The following PTPRT variants were observed in gnomAD, a reference collection of about 807,000 sequenced individuals.
The protein encoded by PTPRT is receptor-type tyrosine-protein phosphatase T.
In PTPRT, 56 loss-of-function variants were observed where a neutral mutation model predicts 176.8. That is an observed-to-expected ratio of 0.32 (90% CI 0.26 to 0.40). PTPRT has a LOEUF of 0.40. Ranked by LOEUF, PTPRT falls within the 10% of genes least tolerant of loss-of-function variation. PTPRT has a pLI of 1.00. For synonymous variants in PTPRT, 783 were observed against 739.0 expected (o/e 1.06, Z -0.96); for missense variants, 1,540 against 1,908.2 (o/e 0.81, Z 3.60).
chr20:42,648,820 G>GTTTTTTTTTTTGTTTTGT (rs746084382), intron 7 of PTPRT, among the ~76,000 whole-genome samples: 1 of 111,832 alleles, frequency 8.9e-6, no homozygotes, highest in Non-Finnish European at 1.8e-5. Context: ...TGGTGTCGTT[G>GTTTTTTTTTTTGTTTTGT]TTTTTTTTTT....
chr20:43,050,256 G>A (rs575514893), intron 1 of PTPRT, among the ~76,000 whole-genome samples: 1 of 152,344 alleles, frequency 6.6e-6, no homozygotes, highest in Admixed American at 6.5e-5. Flanking sequence ...CTGGAAGGAG[G>A]GCTGTGGCAT....
intron 14 of PTPRT, among the ~76,000 whole-genome samples, chr20:42,238,274 C>A (rs954515397): frequency 6.6e-6 from 1 of 152,154 alleles, no homozygotes; most frequent in African/African-American, 2.4e-5. Context: ...AGTTAAGAAG[C>A]CACAGAAGAA....
At chr20:42,643,971 T>C (rs2074826180) in intron 7 of PTPRT, among the ~76,000 whole-genome samples, 1 of 152,090 alleles carries the variant, frequency 6.6e-6, no homozygotes, top group South Asian at 2.1e-4. Flanking sequence ...AAAGAAAGCC[T>C]TCTAGCAAAC....
chr20:43,074,168 T>A (rs756772174), intron 1 of PTPRT, among the ~76,000 whole-genome samples: 2 of 152,104 alleles, frequency 1.3e-5, no homozygotes, highest in African/African-American at 4.8e-5. Context: ...GGGGATGTAA[T>A]GAAAAAAGGT....
intron 27 of PTPRT, among the ~76,000 whole-genome samples, chr20:42,093,589 G>T (rs1312928148): frequency 6.6e-6 from 1 of 152,194 alleles, no homozygotes; most frequent in Non-Finnish European, 1.5e-5. Context: ...TTATTTTGCT[G>T]CAGCTTACAG....
intron 15 of PTPRT, among the ~76,000 whole-genome samples, chr20:42,234,615 C>T (rs1453838883): frequency 6.6e-6 from 1 of 152,232 alleles, no homozygotes; most frequent in Non-Finnish European, 1.5e-5. Context: ...AGGCATCTCT[C>T]AGCTAACGTT....
At chr20:42,904,157 A>G (rs1405127585) in intron 1 of PTPRT, among the ~76,000 whole-genome samples, 3 of 152,198 alleles carry the variant, frequency 2.0e-5, no homozygotes, top group Non-Finnish European at 4.4e-5. Flanking sequence ...CTTTGGAACA[A>G]GCACTCAGCA....
downstream of PTPRT, among the ~76,000 whole-genome samples, chr20:42,068,462 A>T (rs190843172): frequency 1.4e-3 from 212 of 152,300 alleles, no homozygotes; most frequent in African/African-American, 4.9e-3. Flanking sequence ...GAAAGCCAAA[A>T]TCCTCAGCAT....
intron 1 of PTPRT, among the ~76,000 whole-genome samples, chr20:42,964,251 T>C (rs1366482758): frequency 6.6e-6 from 1 of 152,176 alleles, no homozygotes; most frequent in African/African-American, 2.4e-5. Flanking sequence ...TCGAAATATT[T>C]TCCATAAGAT....
chr20:43,027,593 C>T (rs1198493004), intron 1 of PTPRT, among the ~76,000 whole-genome samples: 1 of 152,006 alleles, frequency 6.6e-6, no homozygotes, highest in African/African-American at 2.4e-5. Flanking sequence ...GAAGAAAGAC[C>T]ACGTGAGGAC....
chr20:43,072,369 T>C (rs1198522455), intron 1 of PTPRT, among the ~76,000 whole-genome samples: 1 of 152,232 alleles, frequency 6.6e-6, no homozygotes, highest in Non-Finnish European at 1.5e-5. Flanking sequence ...TCCCAGTCCA[T>C]GTAATTGCAA....
chr20:43,161,363 C>T (rs2014692123), intron 1 of PTPRT, among the ~76,000 whole-genome samples: 1 of 151,928 alleles, frequency 6.6e-6, no homozygotes, highest in African/African-American at 2.4e-5. Flanking sequence ...AGAAAGAGCT[C>T]TATGTTACCC....
At chr20:42,096,200 T>C (rs535664226) in intron 27 of PTPRT, among the ~76,000 whole-genome samples, 1 of 152,366 alleles carries the variant, frequency 6.6e-6, no homozygotes, top group East Asian at 1.9e-4. Context: ...CTCCCCGGTC[T>C]CCTGGTTTCC....
intron 7 of PTPRT, among the ~76,000 whole-genome samples, chr20:42,579,755 G>A (rs1384541198): frequency 2.0e-5 from 3 of 152,052 alleles, no homozygotes; most frequent in African/African-American, 7.2e-5. Flanking sequence ...TGATGGGGTT[G>A]TTTGTTTTTT....
intron 1 of PTPRT, among the ~76,000 whole-genome samples, chr20:43,014,613 G>A (rs1014902599): frequency 2.0e-5 from 3 of 152,118 alleles, no homozygotes; most frequent in African/African-American, 7.2e-5. Flanking sequence ...TATTTATTAT[G>A]TGATAATGGC....
At chr20:42,447,159 T>A (rs1029205334) in intron 9 of PTPRT, among the ~76,000 whole-genome samples, 16 of 152,088 alleles carry the variant, frequency 1.1e-4, no homozygotes, top group Non-Finnish European at 1.9e-4. Flanking sequence ...CCAAGCCCAC[T>A]CCCTATACAT....
At chr20:42,113,466 A>C (rs1987112999) in intron 22 of PTPRT, among the ~76,000 whole-genome samples, 1 of 152,136 alleles carries the variant, frequency 6.6e-6, no homozygotes, top group Non-Finnish European at 1.5e-5. Context: ...CCTTCTCTGG[A>C]GACACGCCCT....
chr20:42,365,860 T>A (rs2058506983), intron 9 of PTPRT, among the ~76,000 whole-genome samples: 1 of 152,204 alleles, frequency 6.6e-6, no homozygotes, highest in Non-Finnish European at 1.5e-5. Context: ...GTGGACTAAA[T>A]GAGGCAGTTC....
intron 19 of PTPRT, among the ~76,000 whole-genome samples, chr20:42,120,760 G>A (rs1987547603): frequency 6.6e-6 from 1 of 152,194 alleles, no homozygotes; most frequent in South Asian, 2.1e-4. Flanking sequence ...TTGAGTAGAA[G>A]TTTAAGTTTT....
Sources: allele counts gnomAD v4.1 joint callset (sites outside exome capture counted in the v4.1 genomes callset), GRCh38; gene constraint gnomAD v4.1.1; transcripts MANE v1.5; gene names NCBI Gene and HGNC (gene_info 2026-07-23, HGNC 2026-07-21).